ADAMTS9: variants seen among roughly 807,000 people sequenced by gnomAD.
The protein encoded by ADAMTS9 is A disintegrin and metalloproteinase with thrombospondin motifs 9.
ADAMTS9 carries 107 observed loss-of-function variants against 257.1 expected under a neutral mutation model. The ratio of observed to expected loss-of-function variants is 0.42; its 90% CI spans 0.36 to 0.49. ADAMTS9 has a LOEUF of 0.49. Among genes scored for constraint, ADAMTS9 ranks in the 20% least tolerant of loss-of-function variants. The pLI is 0.03. For missense variants in ADAMTS9, 2,353 were observed against 2,469.1 expected (o/e 0.95, Z 1.00); for synonymous variants, 982 against 880.9 (o/e 1.11, Z -2.03).
rs1264494748 is a variant in ADAMTS9, at chr3:64,673,209, T to C, written c.679+7992A>G. 3.9e-5 allele frequency among the ~76,000 whole-genome samples: 6 copies of C among 152,170 alleles called. No individual in the cohort carries two copies. The South Asian group carries it at 8.3e-4, about 21-fold the overall frequency. On this transcript the variant is annotated intron_variant, in intron 3 of 39. Transcript: ENST00000498707. The stretch of plus-strand genomic sequence containing the variant: ...GCACTGTAAATTGAGGATCTTCCTA[T>C]TGATAGGAACATCACAATGACAGCC...
chr3:64,613,531 G>T, intron 21 of ADAMTS9, 22 bp from the exon 22 acceptor site: 1 of 1,607,064 alleles, frequency 6.2e-7, no homozygotes, highest in Middle Eastern at 1.8e-4. Flanking sequence ...AGCGGAGCTA[G>T]TCAGGGTCAT....
At chr3:64,649,989 C>A (rs1010201161) in intron 9 of ADAMTS9, 2 of 529,932 alleles carry the variant, frequency 3.8e-6, no homozygotes, top group Non-Finnish European at 6.5e-6. Flanking sequence ...ATGAATACAA[C>A]ATAGCCAGTA....
intron 36 of ADAMTS9, among the ~76,000 whole-genome samples, chr3:64,540,507 G>A (rs184466091): frequency 3.3e-4 from 50 of 152,262 alleles, no homozygotes; most frequent in Admixed American, 8.5e-4. Flanking sequence ...TCTGCACATT[G>A]ACGACTGAAT....
intron 28 of ADAMTS9, among the ~76,000 whole-genome samples, chr3:64,576,703 C>G (rs951622263): frequency 1.3e-5 from 2 of 152,174 alleles, no homozygotes; most frequent in African/African-American, 4.8e-5. Flanking sequence ...GTCATCCCAG[C>G]CGGATGGGGC....
chr3:64,602,051 A>T lies in ADAMTS9; in HGVS notation c.3910T>A (p.Leu1304Ile). 6.2e-7 allele frequency: 1 copy of T among 1,614,002 alleles called. No homozygotes were observed. The highest frequency in any genetic ancestry group is 8.5e-7 in the Non-Finnish European group (1 of 1,179,974). ...PCPQRTPDSG[L>I]AQHPFQNEDY... The stretch of plus-strand genomic sequence containing the variant: ...TCATTTTGGAAGGGGTGCTGAGCTA[A>T]GCCACTGTCTGGGGTCCTTTGAGGG... The change falls in exon 26 of 40, where the codon TTA becomes ATA. Residue 1304 changes from leucine to isoleucine, a missense_variant. Transcript: ENST00000498707.
chr3:64,522,522 A>G, intron 38 of ADAMTS9: 1 of 306,138 alleles, frequency 3.3e-6, no homozygotes, highest in Admixed American at 4.8e-5. Flanking sequence ...AAGTAAACCA[A>G]AAATTACATT....
At chr3:64,613,594 G>C (rs2084707475) in intron 21 of ADAMTS9, 85 bp from the exon 22 acceptor site, 1 of 1,349,332 alleles carries the variant, frequency 7.4e-7, no homozygotes, top group Non-Finnish European at 1.0e-6. Flanking sequence ...AGTAGGAACA[G>C]GTGTGTCCTT....
Position 64,604,095 on chromosome 3 carries a change from T to G in ADAMTS9, c.3580-6A>C, listed in dbSNP as rs1576107093. On this transcript the variant is annotated splice_polypyrimidine_tract_variant and splice_region_variant and intron_variant, in intron 24 of 39. Transcript: ENST00000498707. ...TTCCCACAAGTGGCTGAGCACTGGG[T>G]GTTGGAGTAAAATCATGCAGTTATA... The G allele has an allele frequency of 6.2e-7, 1 of 1,613,632 alleles. No homozygotes were observed. The highest frequency in any genetic ancestry group is 2.2e-5 in the East Asian group (1 of 44,818).
At chr3:64,616,248 G>A (rs2084762236) in intron 19 of ADAMTS9, 78 bp from the exon 20 acceptor site, 3 of 1,452,018 alleles carry the variant, frequency 2.1e-6, no homozygotes, top group African/African-American at 2.8e-5. Context: ...GGTATTCATA[G>A]AAGAGTTGAG....
At chr3:64,572,312 G>A (rs1015012693) in intron 28 of ADAMTS9, among the ~76,000 whole-genome samples, 1 of 152,074 alleles carries the variant, frequency 6.6e-6, no homozygotes, top group Non-Finnish European at 1.5e-5. Context: ...CACTAATTAA[G>A]GTCTAAGAGC....
At chr3:64,556,023 T>G (rs2083328525) in intron 30 of ADAMTS9, among the ~76,000 whole-genome samples, 1 of 152,212 alleles carries the variant, frequency 6.6e-6, no homozygotes, top group Non-Finnish European at 1.5e-5. Flanking sequence ...CATTCCCTAC[T>G]GTTAACTTCA....
intron 18 of ADAMTS9, among the ~76,000 whole-genome samples, chr3:64,621,675 T>A (rs1161980885): frequency 6.6e-6 from 1 of 151,558 alleles, no homozygotes; most frequent in African/African-American, 2.4e-5. Flanking sequence ...GGCATGAGAA[T>A]TGCTTGAACC....
At chr3:64,638,856 A>C (rs1403937709) in intron 12 of ADAMTS9, among the ~76,000 whole-genome samples, 1 of 152,270 alleles carries the variant, frequency 6.6e-6, no homozygotes, top group East Asian at 1.9e-4. Context: ...CTCTTGAATC[A>C]GATAAATATT....
intron 28 of ADAMTS9, among the ~76,000 whole-genome samples, chr3:64,572,659 CAG>C (rs2106701508): frequency 6.6e-6 from 1 of 152,224 alleles, no homozygotes; most frequent in South Asian, 2.1e-4. Context: ...GATTTCTACA[CAG>C]AGTTGCTAAA....
chr3:64,538,484 A>G lies in ADAMTS9; in HGVS notation c.5613+719T>C, dbSNP rs2083077760. 2.0e-5 allele frequency among the ~76,000 whole-genome samples: 3 copies of G among 152,080 alleles called. No individual in the cohort carries two copies. In the South Asian group the frequency reaches 6.2e-4, roughly 31 times the overall value. On this transcript the variant is annotated intron_variant, in intron 37 of 39. Coordinates refer to ENST00000498707, the MANE Select transcript of ADAMTS9 (RefSeq NM_182920.2). ...GCAAAGTTAAACATTAAATTAAAAA[A>G]AAAAAAACCTTACCAATGCACCCAA... is the stretch of plus-strand genomic sequence containing the variant.
chr3:64,594,482 A>G, intron 27 of ADAMTS9, 48 bp from the exon 28 acceptor site: 3 of 1,591,420 alleles, frequency 1.9e-6, no homozygotes, highest in Non-Finnish European at 2.6e-6. Context: ...TGAAAGGCCA[A>G]TGACAAATTT....
In ADAMTS9 at chr3:64,539,217, C is replaced by T; in HGVS notation, c.5599G>A (p.Ala1867Thr). The stretch of plus-strand genomic sequence containing the variant: ...CAAGGACATACCTGTGGGCACTTGG[C>T]AGCGCTGTAGCAATCCCCGGCTGTG... Reference protein sequence around the residue: ...FATAGDCYSAAKCPQGRFSIN... With the variant: ...FATAGDCYSATKCPQGRFSIN... The change falls in exon 37 of 40, where the codon GCC (alanine) becomes ACC (threonine). Residue 1867 changes from alanine to threonine, a missense_variant. Around this residue, in one of 3 missense-constraint regions of ADAMTS9, gnomAD observed 1,402 missense variants for 1,441.4 expected, o/e 0.97. Coordinates refer to ENST00000498707, the MANE Select transcript of ADAMTS9 (RefSeq NM_182920.2). The T allele has an allele frequency of 6.2e-7, 1 of 1,613,864 alleles. No homozygotes were observed. Among genetic ancestry groups the T allele is most frequent in the Non-Finnish European group, 8.5e-7 (1 of 1,179,776 alleles).
chr3:64,595,546 G>A (rs1319344127), intron 27 of ADAMTS9, among the ~76,000 whole-genome samples: 1 of 152,194 alleles, frequency 6.6e-6, no homozygotes, highest in African/African-American at 2.4e-5. Flanking sequence ...TTAATCACAG[G>A]CCCCACAGGA....
chr3:64,544,021 C>A (rs1038895234), intron 32 of ADAMTS9, among the ~76,000 whole-genome samples: 9 of 152,126 alleles, frequency 5.9e-5, no homozygotes, highest in African/African-American at 1.2e-4. Flanking sequence ...ACAATTGCTT[C>A]AAAGAGAATA....
Sources: allele counts gnomAD v4.1 joint callset (sites outside exome capture counted in the v4.1 genomes callset), GRCh38; gene constraint gnomAD v4.1.1; regional missense constraint gnomAD v4.1.1; transcripts MANE v1.5; gene names NCBI Gene and HGNC (gene_info 2026-07-23, HGNC 2026-07-21).